TPO: variants seen among roughly 807,000 people sequenced by gnomAD.
The protein encoded by TPO is thyroid microsomal antigen.
A neutral mutation model predicts 96.9 loss-of-function variants in TPO; 78 were observed. That is an observed-to-expected ratio of 0.81 (90% CI 0.67 to 0.97). The LOEUF (loss-of-function observed/expected upper bound fraction) is 0.97, where lower values mean the gene tolerates loss of function less well. Among genes scored for constraint, TPO ranks in the 50% least tolerant of loss-of-function variants. The pLI, the probability that TPO is intolerant of heterozygous loss-of-function variation, is 0.00. For synonymous variants in TPO, 547 were observed against 538.0 expected (o/e 1.02, Z -0.23); for missense variants, 1,252 against 1,274.8 (o/e 0.98, Z 0.27).
At chr2:1,461,479 C>A (rs1392388601) in intron 7 of TPO, among the ~76,000 whole-genome samples, 1 of 152,110 alleles carries the variant, frequency 6.6e-6, no homozygotes, top group Admixed American at 6.5e-5. Context: ...TGGACTTCCA[C>A]CTGCCTCAGG....
At chr2:1,505,424 G>A (rs1346486827) in intron 14 of TPO, among the ~76,000 whole-genome samples, 7 of 99,500 alleles carry the variant, frequency 7.0e-5, no homozygotes, top group African/African-American at 2.1e-4. Context: ...CCTGTGTCAC[G>A]CACACCCTCC....
rs185015852 is a variant in TPO, at chr2:1,386,972, G to A, written n.180+12570G>A. Among the ~76,000 whole-genome samples the A allele has an allele frequency of 9.2e-3, 1,398 of 152,264 alleles. 11 individuals carry two copies. The highest frequency in any genetic ancestry group is 0.012 in the Non-Finnish European group (849 of 68,030). On this transcript the variant is annotated intron_variant and non_coding_transcript_variant, in intron 1 of 5. Transcript: ENST00000497517. ...ATTTTATTTCTCTTTCACTTACAAA[G>A]CTTAGTTTGGCTGGATCTGAAATTC...
intron 7 of TPO, among the ~76,000 whole-genome samples, chr2:1,458,177 TATA>T (rs1668045237): frequency 6.6e-6 from 1 of 151,340 alleles, no homozygotes; most frequent in African/African-American, 2.4e-5. Flanking sequence ...GTATATAGGA[TATA>T]ATATAGTGTG....
chr2:1,418,372 G>A (rs986905969), intron 2 of TPO, among the ~76,000 whole-genome samples: 3 of 152,156 alleles, frequency 2.0e-5, no homozygotes, highest in Non-Finnish European at 4.4e-5. Flanking sequence ...CCTGCAAACT[G>A]TAGGAAGGTG....
intron 15 of TPO, among the ~76,000 whole-genome samples, chr2:1,527,474 C>G (rs991165406): frequency 6.7e-6 from 1 of 148,726 alleles, no homozygotes; most frequent in East Asian, 2.2e-4. Context: ...GCAACCTCCT[C>G]AAATCCCCCC....
intron 15 of TPO, among the ~76,000 whole-genome samples, chr2:1,519,485 A>C (rs1163845458): frequency 6.6e-6 from 1 of 152,138 alleles, no homozygotes; most frequent in East Asian, 1.9e-4. Flanking sequence ...AAGACACTAT[A>C]CTGATCTGTT....
chr2:1,443,506 G>C (rs11211648), intron 5 of TPO, among the ~76,000 whole-genome samples: 138,824 of 150,148 alleles, frequency 0.92, 64,170 homozygotes, highest in South Asian at 0.97. Flanking sequence ...ATGGGGCCGG[G>C]GCCTTCTTGT....
intron 6 of TPO, among the ~76,000 whole-genome samples, chr2:1,455,364 T>C (rs547844434): frequency 6.6e-6 from 1 of 152,060 alleles, no homozygotes; most frequent in Non-Finnish European, 1.5e-5. Flanking sequence ...GCTCACCCCA[T>C]TCCAAGGTTC....
Position 1,466,498 on chromosome 2 carries a change from C to A in TPO, c.819+10216C>A, listed in dbSNP as rs149529350. On this transcript the variant is annotated intron_variant, in intron 7 of 16. Coordinates refer to ENST00000329066, the MANE Select transcript of TPO (RefSeq NM_001206744.2). ...TCTTCTTTGAATGTCTGGCAGAATT[C>A]TTCTGTGAATCTGTCTGGTTCTTGA... Among the ~76,000 whole-genome samples, 141 of 152,212 alleles carry A rather than the reference C, an allele frequency of 9.3e-4. 1 individual carries two copies. In the East Asian group the frequency reaches 0.024, roughly 26 times the overall value.
intron 10 of TPO, among the ~76,000 whole-genome samples, chr2:1,492,444 C>G (rs1045951623): frequency 1.3e-5 from 2 of 152,040 alleles, no homozygotes; most frequent in East Asian, 1.9e-4. Context: ...CATGAGCCAC[C>G]GCACCTGGCC....
intron 1 of TPO, among the ~76,000 whole-genome samples, chr2:1,394,746 T>C (rs1662053144): frequency 1.3e-5 from 2 of 152,200 alleles, no homozygotes; most frequent in African/African-American, 4.8e-5. Context: ...GTCACTGGTC[T>C]GAAATGGTTT....
At chr2:1,481,846 C>G (rs1457079142) in intron 8 of TPO, among the ~76,000 whole-genome samples, 1 of 152,150 alleles carries the variant, frequency 6.6e-6, no homozygotes, top group Non-Finnish European at 1.5e-5. Flanking sequence ...TCGTTCCTCT[C>G]CAGGGGTAGC....
chr2:1,414,633 G>GAA, intron 2 of TPO, 131 bp downstream of exon 2: 1 of 737,018 alleles, frequency 1.4e-6, no homozygotes, highest in Non-Finnish European at 2.3e-6. Flanking sequence ...TTATGCTTAA[G>GAA]AAAAAAAAAT....
intron 13 of TPO, 137 bp from the exon 14 acceptor site, chr2:1,503,811 T>A (rs1025703315): frequency 1.3e-6 from 2 of 1,523,004 alleles, no homozygotes; most frequent in Admixed American, 1.9e-5. Context: ...GGGCGGCCGG[T>A]TCCCCCTAGA....
chr2:1,390,002 G>T (rs1661972134), intron 1 of TPO, among the ~76,000 whole-genome samples: 1 of 150,134 alleles, frequency 6.7e-6, no homozygotes, highest in South Asian at 2.1e-4. Context: ...GAGGTTAAGT[G>T]GTTATTTCTT....
intron 1 of TPO, among the ~76,000 whole-genome samples, chr2:1,404,158 G>T (rs1463943982): frequency 6.6e-6 from 1 of 152,216 alleles, no homozygotes; most frequent in Non-Finnish European, 1.5e-5. Context: ...GAGACACCAG[G>T]CAAGCATTTT....
chr2:1,454,435 G>A (rs1350054418), intron 6 of TPO, among the ~76,000 whole-genome samples: 1 of 152,194 alleles, frequency 6.6e-6, no homozygotes, highest in Non-Finnish European at 1.5e-5. Context: ...CAGACCAGCT[G>A]TGGACAGATA....
At chr2:1,385,534 T>A (rs1346421080) in intron 1 of TPO, among the ~76,000 whole-genome samples, 9 of 152,170 alleles carry the variant, frequency 5.9e-5, no homozygotes, top group Admixed American at 5.2e-4. Context: ...TCGTTTGTAT[T>A]TCTGTGGGAT....
intron 2 of TPO, among the ~76,000 whole-genome samples, chr2:1,422,316 AGACCTCGTGCAGGCGCCTCTCCTGGACC>A (rs1298195563): frequency 0.081 from 5,509 of 68,298 alleles, 197 homozygotes; most frequent in Admixed American, 0.092. Flanking sequence ...TCTCCTGGAC[AGACCTCGTGCAGGCGCCTCTCCTGGACC>A]GACCTCGTGC....
Sources: allele counts gnomAD v4.1 joint callset (sites outside exome capture counted in the v4.1 genomes callset), GRCh38; gene constraint gnomAD v4.1.1; transcripts MANE v1.5; gene names NCBI Gene and HGNC (gene_info 2026-07-23, HGNC 2026-07-21).